The following CADPS2 variants were observed in gnomAD, a reference collection of about 807,000 sequenced individuals.
CADPS2 encodes the protein calcium-dependent secretion activator 2.
A neutral mutation model predicts 172.5 loss-of-function variants in CADPS2; 93 were observed. The observed-to-expected ratio is 0.54, with a 90% CI of 0.46 to 0.64. The LOEUF (loss-of-function observed/expected upper bound fraction) is 0.64. Ranked by LOEUF, CADPS2 falls within the 30% of genes least tolerant of loss-of-function variation. The pLI is 0.00. For missense variants in CADPS2, 1,420 were observed against 1,565.9 expected (o/e 0.91, Z 1.57); for synonymous variants, 546 against 555.2 (o/e 0.98, Z 0.23).
At chr7:122,607,550 A>G (rs564903206) in intron 6 of CADPS2, among the ~76,000 whole-genome samples, 35 of 152,326 alleles carry the variant, frequency 2.3e-4, no homozygotes, top group African/African-American at 8.2e-4. Context: ...ACTACTAATC[A>G]TAATTCTATA....
Position 122,609,946 on chromosome 7 carries a change from G to A in CADPS2, c.1223+5235C>T, listed in dbSNP as rs538472496. ...AAGATGAGTTCAGGATGAAAGTAAC[G>A]ACACTGTGACACTGCTAAAAAGCTG... On this transcript the variant is annotated intron_variant, in intron 6 of 29. Transcript: ENST00000449022. 4.6e-5 allele frequency among the ~76,000 whole-genome samples: 7 copies of A among 152,188 alleles called. No individual in the cohort carries two copies. In the East Asian group the frequency reaches 9.6e-4, roughly 21 times the overall value.
intron 14 of CADPS2, among the ~76,000 whole-genome samples, chr7:122,453,657 T>C (rs1358995319): frequency 2.0e-5 from 3 of 152,210 alleles, no homozygotes; most frequent in Non-Finnish European, 4.4e-5. Flanking sequence ...CTTAGCTACC[T>C]GGCAGATGCT....
intron 25 of CADPS2, among the ~76,000 whole-genome samples, chr7:122,371,194 T>C (rs1585353770): frequency 6.6e-6 from 1 of 152,068 alleles, no homozygotes; most frequent in East Asian, 1.9e-4. Context: ...GCATCGGCAA[T>C]AAATGGTCAA....
At position 122,552,045 on chromosome 7, in the gene CADPS2, T is replaced by C. The variant is rs568394157; in HGVS notation, c.1475+2505A>G. Reference sequence around the variant, plus strand: ...CAAAATGTTTAAAACTGTTACCACATGGGTACTGAGAAAACAGAACAGATG... The same window carrying C: ...CAAAATGTTTAAAACTGTTACCACACGGGTACTGAGAAAACAGAACAGATG... On this transcript the variant is annotated intron_variant, in intron 8 of 29. Coordinates refer to ENST00000449022, the MANE Select transcript of CADPS2 (RefSeq NM_017954.11). Among the ~76,000 whole-genome samples, 148 of 152,274 alleles carry C rather than the reference T, an allele frequency of 9.7e-4. 1 individual carries two copies. The highest frequency in any genetic ancestry group is 3.2e-3 in the African/African-American group (135 of 41,564).
chr7:122,682,095 C>T (rs1564053082), intron 2 of CADPS2, among the ~76,000 whole-genome samples: 1 of 152,158 alleles, frequency 6.6e-6, no homozygotes, highest in Non-Finnish European at 1.5e-5. Flanking sequence ...CCTAAGCCAA[C>T]AGCAAATACT....
intron 19 of CADPS2, among the ~76,000 whole-genome samples, chr7:122,408,870 A>T (rs34252702): frequency 0.041 from 6,292 of 152,328 alleles, 234 homozygotes; most frequent in Non-Finnish European, 0.057. Context: ...CCTTAAAATA[A>T]TAGATATAAA....
At chr7:122,347,734 T>C (rs1303648482) in intron 27 of CADPS2, among the ~76,000 whole-genome samples, 1 of 152,148 alleles carries the variant, frequency 6.6e-6, no homozygotes, top group East Asian at 1.9e-4. Flanking sequence ...AGCTAGACTG[T>C]TTTCTTCTTT....
At chr7:122,439,263 C>A (rs895399185) in intron 16 of CADPS2, 2 of 152,054 alleles carry the variant, frequency 1.3e-5, no homozygotes, top group Non-Finnish European at 2.9e-5. Flanking sequence ...TTCTTTAAAA[C>A]CTTCATAATG....
chr7:122,836,448 A>C (rs999436845), intron 1 of CADPS2, among the ~76,000 whole-genome samples: 2 of 152,204 alleles, frequency 1.3e-5, no homozygotes, highest in Non-Finnish European at 2.9e-5. Context: ...TTAAATGTAA[A>C]TGGGCTAAAT....
At chr7:122,591,674 A>G (rs564318366) in intron 6 of CADPS2, among the ~76,000 whole-genome samples, 1 of 152,306 alleles carries the variant, frequency 6.6e-6, no homozygotes, top group African/African-American at 2.4e-5. Context: ...ACCCTCAGAA[A>G]TAATACCACA....
At chr7:122,792,286 C>G (rs1296307653) in intron 1 of CADPS2, among the ~76,000 whole-genome samples, 1 of 152,044 alleles carries the variant, frequency 6.6e-6, no homozygotes, top group Non-Finnish European at 1.5e-5. Flanking sequence ...GAGGTGGGCT[C>G]TTAAGAGGTG....
chr7:122,735,376 T>C (rs775011628), intron 2 of CADPS2, among the ~76,000 whole-genome samples: 15 of 152,224 alleles, frequency 9.9e-5, no homozygotes, highest in African/African-American at 2.2e-4. Context: ...GATCACTAAA[T>C]TTGTGCACTT....
intron 2 of CADPS2, among the ~76,000 whole-genome samples, chr7:122,684,454 CAT>C (rs931723616): frequency 2.0e-5 from 3 of 152,014 alleles, no homozygotes; most frequent in East Asian, 3.9e-4. Context: ...TATATACACA[CAT>C]ATATATACAC....
Position 122,393,203 on chromosome 7 carries a change from C to T in CADPS2, c.3001G>A (p.Glu1001Lys), listed in dbSNP as rs1476363833. 10 of 1,613,336 alleles carry T rather than the reference C, an allele frequency of 6.2e-6. No individual in the cohort carries two copies. The Admixed American group carries it at 1.0e-4, about 16-fold the overall frequency. The stretch of plus-strand genomic sequence containing the variant: ...TAAGTGAGGAATACACACGTGGACT[C>T]ATATAAAGAAGGCATCCACGAAGCA... Reference protein sequence around the residue: ...STASWMPSLYESTNGSATSED... With the variant: ...STASWMPSLYKSTNGSATSED... The change falls in exon 22 of 30, where the codon GAG becomes AAG. Residue 1001 changes from glutamate to lysine, a missense_variant. Transcript: ENST00000449022.
At chr7:122,643,082 A>G (rs2077863930) in intron 3 of CADPS2, among the ~76,000 whole-genome samples, 1 of 152,200 alleles carries the variant, frequency 6.6e-6, no homozygotes, top group Non-Finnish European at 1.5e-5. Context: ...TTTGTAGATA[A>G]TACATTACAA....
chr7:122,431,867 G>GCCAAGATC (rs1223053454), intron 17 of CADPS2, among the ~76,000 whole-genome samples: 1 of 126,334 alleles, frequency 7.9e-6, no homozygotes, highest in Non-Finnish European at 1.6e-5. Flanking sequence ...GTTGCAGTGG[G>GCCAAGATC]CCAAGATCGT....
chr7:122,386,325 G>T, intron 24 of CADPS2: 1 of 1,419,182 alleles, frequency 7.0e-7, no homozygotes, highest in Non-Finnish European at 9.3e-7. Context: ...TCATGCCATG[G>T]GTGGAAAAAA....
At chr7:122,502,622 A>C (rs1487827483) in intron 9 of CADPS2, among the ~76,000 whole-genome samples, 9 of 152,050 alleles carry the variant, frequency 5.9e-5, no homozygotes, top group Admixed American at 5.9e-4. Context: ...TAGGATTCAC[A>C]TTTTGTAATA....
At chr7:122,395,817 T>C (rs971541417) in intron 20 of CADPS2, among the ~76,000 whole-genome samples, 15 of 152,038 alleles carry the variant, frequency 9.9e-5, no homozygotes, top group African/African-American at 3.4e-4. Flanking sequence ...TTTTTCTTTT[T>C]TTTTTTTTAG....
Sources: allele counts gnomAD v4.1 joint callset (sites outside exome capture counted in the v4.1 genomes callset), GRCh38; gene constraint gnomAD v4.1.1; transcripts MANE v1.5; gene names NCBI Gene and HGNC (gene_info 2026-07-23, HGNC 2026-07-21).